TRAPPC14: variants seen among roughly 807,000 people sequenced by gnomAD.
TRAPPC14 encodes microtubule associated protein 11.
In TRAPPC14, 24 loss-of-function variants were observed where a neutral mutation model predicts 56.6. That is an observed-to-expected ratio of 0.42 (90% confidence interval 0.31 to 0.60). TRAPPC14 has a LOEUF of 0.60. Among genes scored for constraint, TRAPPC14 ranks in the 20% least tolerant of loss-of-function variants. The pLI, the probability that TRAPPC14 is intolerant of heterozygous loss-of-function variation, is 0.14. For missense variants in TRAPPC14, 615 were observed against 790.3 expected, an observed-to-expected ratio of 0.78 and a Z score of 2.66; for synonymous variants, 377 against 347.0, an observed-to-expected ratio of 1.09 and a Z score of -0.96.
chr7:100,157,463 C>T lies in TRAPPC14; in HGVS notation c.638-4G>A, dbSNP rs762123097. 7 of 1,611,700 alleles carry T rather than the reference C, an allele frequency of 4.3e-6. No homozygotes were observed. The highest frequency in any genetic ancestry group is 2.2e-5 in the South Asian group (2 of 91,010). On this transcript the variant is annotated splice_polypyrimidine_tract_variant and splice_region_variant and intron_variant, in intron 3 of 10. Coordinates refer to ENST00000316937, the MANE Select transcript of TRAPPC14 (RefSeq NM_018275.5). Reference sequence around the variant, plus strand: ...AGCAGAGTCAGCAGCGTGCTCACTGCGGGAGGGGGTGGGGGCAAGAAGTGA... The same window carrying T: ...AGCAGAGTCAGCAGCGTGCTCACTGTGGGAGGGGGTGGGGGCAAGAAGTGA...
chr7:100,157,698 C>G lies in TRAPPC14; in HGVS notation c.572G>C (p.Arg191Pro). The G allele has an allele frequency of 6.2e-7, 1 of 1,614,240 alleles. No individual in the cohort carries two copies. The highest frequency in any genetic ancestry group is 8.5e-7 in the Non-Finnish European group (1 of 1,180,044). ...APEVRDQGYLRLLQTRSPGET... is the reference protein window; with the variant it reads ...APEVRDQGYLPLLQTRSPGET... Reference sequence around the variant, plus strand: ...CCCAGGAGATCGGGTCTGCAGCAATCGCAGGTAGCCTTGATCTCTGACCTC... The same window carrying G: ...CCCAGGAGATCGGGTCTGCAGCAATGGCAGGTAGCCTTGATCTCTGACCTC... The change falls in exon 3 of 11, where the codon CGA becomes CCA. Residue 191 changes from arginine (R) to proline (P), a missense_variant. By Grantham distance (103) the Arg-to-Pro change is moderately radical. Coordinates refer to ENST00000316937, the MANE Select transcript of TRAPPC14 (RefSeq NM_018275.5).
Position 100,158,157 on chromosome 7 carries a change from A to G in TRAPPC14, c.343T>C (p.Leu115=), listed in dbSNP as rs1234937513. The change falls in exon 1 of 11, where the codon TTG becomes CTG. Residue 115 remains leucine, a synonymous_variant. Coordinates refer to ENST00000316937, the MANE Select transcript of TRAPPC14 (RefSeq NM_018275.5). ...AGAAGGGGGCTGCAGCCTCGGAACA[A>G]ACCCCCACCCCCAGGATCCCCTCCC... The part of the protein sequence containing the change: ...PGGGDPGGGG[L]FRGCSPLLTH... 1.6e-5 allele frequency: 24 copies of G among 1,468,902 alleles called. No individual in the cohort carries two copies. Among genetic ancestry groups the G allele is most frequent in the Non-Finnish European group, 2.1e-5 (24 of 1,117,650 alleles). 91.0% of individuals were successfully genotyped at this position (1,468,902 alleles called of 1,614,324 possible).
Position 100,158,404 on chromosome 7 carries a change from C to A in TRAPPC14, c.96G>T (p.Leu32=), listed in dbSNP as rs900175253. The A allele has an allele frequency of 6.8e-7, 1 of 1,462,340 alleles. No individual in the cohort carries two copies. The highest frequency in any genetic ancestry group is 1.5e-5 in the African/African-American group (1 of 67,882). The allele number at this position is 1,462,340 out of a possible 1,614,324, so 90.6% of individuals were successfully genotyped here. The change falls in exon 1 of 11, where the codon CTG becomes CTT. Residue 32 remains leucine, a synonymous_variant. Transcript: ENST00000316937. ...LAGDPGRYRA[L]PRRNHLYLGE... is the part of the protein sequence containing the mutation. ...CCAAGTACAGATGGTTGCGCCGGGG[C>A]AGCGCCCGGTACCGGCCCGGATCCC... is the stretch of plus-strand genomic sequence containing the variant.
In TRAPPC14 at chr7:100,157,155, A is replaced by C. The variant is rs750320788; in HGVS notation, c.784T>G (p.Phe262Val). 2.5e-6 allele frequency: 4 copies of C among 1,614,198 alleles called. No individual in the cohort carries two copies. The highest frequency in any genetic ancestry group is 3.4e-6 in the Non-Finnish European group (4 of 1,180,034). The change falls in exon 5 of 11, where the codon TTC (phenylalanine) becomes GTC (valine). Residue 262 changes from phenylalanine to valine, a missense_variant. Transcript: ENST00000316937. ...ATGACAGGTAGATAACTGGCGTTGAAGTTGGGGAGGATTCGGATATCCCAG... is the reference window on the plus strand; with the variant it reads ...ATGACAGGTAGATAACTGGCGTTGACGTTGGGGAGGATTCGGATATCCCAG... ...SIWDIRILPN[F>V]NASYLPVMPD... is the part of the protein sequence containing the mutation.
In TRAPPC14 at chr7:100,156,995, A is replaced by G. The variant is rs1376869621; in HGVS notation, c.846-3T>C. The G allele has an allele frequency of 1.2e-6, 2 of 1,613,952 alleles. No homozygotes were observed. Among genetic ancestry groups the G allele is most frequent in the Non-Finnish European group, 1.7e-6 (2 of 1,180,002 alleles). ...TGGAGACTTCCCCAGACTGGTGACT[A>G]GCTCAGAAAAGAGGACAAGGCATGG... On this transcript the variant is annotated splice_polypyrimidine_tract_variant and splice_region_variant and intron_variant, in intron 5 of 10. Coordinates refer to ENST00000316937, the MANE Select transcript of TRAPPC14 (RefSeq NM_018275.5).
chr7:100,154,792 AG>A lies in TRAPPC14; in HGVS notation c.*218del. 3.4e-6 allele frequency: 2 copies of A among 589,930 alleles called. No homozygotes were observed. The highest frequency in any genetic ancestry group is 6.0e-6 in the Non-Finnish European group (2 of 331,888). 36.5% of individuals were successfully genotyped at this position (589,930 alleles called of 1,614,324 possible). On this transcript the variant is annotated 3_prime_UTR_variant, in exon 11 of 11. Transcript: ENST00000316937. The stretch of plus-strand genomic sequence containing the variant: ...TAGGGGTGGGGCCAGCCCCCCCCAC[AG>A]GAACTCGGGGAATACTGGTGGCTTA...
chr7:100,156,813 T>C (rs781649122), intron 6 of TRAPPC14, 32 bp downstream of exon 6: 1 of 1,610,474 alleles, frequency 6.2e-7, no homozygotes, highest in South Asian at 1.1e-5. Context: ...CCTTATCACT[T>C]TTCTTTGAAC....
intron 1 of TRAPPC14, 70 bp from the exon 2 acceptor site, chr7:100,158,008 C>T: frequency 6.9e-7 from 1 of 1,439,982 alleles, no homozygotes; most frequent in South Asian, 1.4e-5. Context: ...CCCTTTAAGA[C>T]CGGCAGTTCA....
intron 8 of TRAPPC14, 182 bp from the exon 9 acceptor site, chr7:100,156,007 A>G (rs772721284): frequency 6.1e-6 from 5 of 821,998 alleles, no homozygotes; most frequent in Admixed American, 3.6e-5. Flanking sequence ...CACGTCACGT[A>G]TATTAACTCA....
rs1798847111 is a variant in TRAPPC14 at position 100,155,076 on chromosome 7, C to A, written c.1678G>T (p.Val560Leu). Residue 560 changes from valine to leucine, a missense_variant, in exon 11 of 11, where the codon GTG becomes TTG. Coordinates refer to ENST00000316937, the MANE Select transcript of TRAPPC14 (RefSeq NM_018275.5). ...TTGGCAATCTTGTCCAGAGACAACA[C>A]AGCCTTGTCCGGGGGCAGGTAGAGG... is the stretch of plus-strand genomic sequence containing the variant. ...RPLYLPPDKA[V>L]LSLDKIAKRE... is the part of the protein sequence containing the mutation. 6.2e-7 allele frequency: 1 copy of A among 1,613,966 alleles called. No individual in the cohort carries two copies. Among genetic ancestry groups the A allele is most frequent in the Admixed American group, 1.7e-5 (1 of 60,000 alleles).
chr7:100,155,103 G>A lies in TRAPPC14; in HGVS notation c.1651C>T (p.Pro551Ser). Residue 551 changes from proline (P) to serine (S), a missense_variant, in exon 11 of 11, where the codon CCC becomes TCC. Coordinates refer to ENST00000316937, the MANE Select transcript of TRAPPC14 (RefSeq NM_018275.5). ...TPPVASPVGR[P>S]LYLPPDKAVL... ...GCCTTGTCCGGGGGCAGGTAGAGGG[G>A]GCGGCCAACAGGAGAGGCCACAGGG... 6.2e-7 allele frequency: 1 copy of A among 1,613,482 alleles called. No homozygotes were observed. The highest frequency in any genetic ancestry group is 1.7e-5 in the Admixed American group (1 of 60,002).
At chr7:100,155,231 C>T (rs373305418) in intron 10 of TRAPPC14, 31 bp downstream of exon 10, 54 of 1,591,776 alleles carry the variant, frequency 3.4e-5, no homozygotes, top group Middle Eastern at 1.7e-4. Flanking sequence ...ATCCTCTACC[C>T]GGTCCCATGC....
Position 100,158,429 on chromosome 7 carries a change from C to A in TRAPPC14, c.71G>T (p.Gly24Val). ...CAGCGCCCGGTACCGGCCCGGATCC[C>A]CTGCCAGCTCCGCGCGCGGCGGCAG... is the stretch of plus-strand genomic sequence containing the variant. ...VPLPPRAELA[G>V]DPGRYRALPR... Residue 24 changes from glycine (G) to valine (V), a missense_variant, in exon 1 of 11, where the codon GGG becomes GTG. Transcript: ENST00000316937. The A allele has an allele frequency of 1.4e-6, 2 of 1,412,406 alleles. No homozygotes were observed. The highest frequency in any genetic ancestry group is 9.2e-7 in the Non-Finnish European group (1 of 1,085,152). The allele number at this position is 1,412,406 out of a possible 1,614,324, so 87.5% of individuals were successfully genotyped here. A position where few individuals can be genotyped will look rare whatever the true frequency, so the allele number is the denominator to read the frequency against.
intron 4 of TRAPPC14, 29 bp downstream of exon 4, chr7:100,157,344 C>CGGAGGCT: frequency 1.2e-6 from 2 of 1,613,318 alleles, no homozygotes; most frequent in Non-Finnish European, 1.7e-6. Flanking sequence ...TTGTTGCTCC[C>CGGAGGCT]GGAGGCTGGA....
rs747589281 is a variant in TRAPPC14, at chr7:100,156,442, T to C, written c.1184A>G (p.Asn395Ser). ...RFTVTYTLLN[N>S]LQDFLAVRLV... ...CCTCACAGCAAGGAAGTCTTGGAGA[T>C]TGTTAAGCAGCGTGTAGGTGACAGT... The change falls in exon 8 of 11, where the codon AAT becomes AGT. Residue 395 changes from asparagine (N) to serine (S), a missense_variant. Transcript: ENST00000316937. The C allele has an allele frequency of 6.2e-7, 1 of 1,614,108 alleles. No individual in the cohort carries two copies. The highest frequency in any genetic ancestry group is 1.7e-5 in the Admixed American group (1 of 60,020).
At chr7:100,158,029 G>A in intron 1 of TRAPPC14, 60 bp downstream of exon 1, 1 of 1,398,820 alleles carries the variant, frequency 7.1e-7, no homozygotes, top group Non-Finnish European at 9.5e-7. Flanking sequence ...TCTGCCTCCT[G>A]CCTCAGGCCC....
At position 100,155,053 on chromosome 7, in the gene TRAPPC14, G is replaced by C. The variant is rs1798846603; in HGVS notation, c.1701C>G (p.Ala567=). ...DKAVLSLDKI[A]KRECKVLVVE... is the part of the protein sequence containing the mutation. ...CCACCAGGACCTTGCACTCGCGCTT[G>C]GCAATCTTGTCCAGAGACAACACAG... Residue 567 remains alanine (A), a synonymous_variant, in exon 11 of 11, where the codon GCC becomes GCG. Transcript: ENST00000316937. 1 of 1,614,140 alleles carries C rather than the reference G, an allele frequency of 6.2e-7. No individual in the cohort carries two copies. The highest frequency in any genetic ancestry group is 1.3e-5 in the African/African-American group (1 of 75,028).
chr7:100,157,212 G>T lies in TRAPPC14; in HGVS notation c.727C>A (p.Leu243Met). ...AGKHLTVLKV[L>M]NSSSQEEISI... is the part of the protein sequence containing the mutation. ...ATTTCCTCCTGAGAGGAGCTGTTCA[G>T]CACTGTGGGAGAGGACCAGCTTGGC... The change falls in exon 5 of 11, where the codon CTG becomes ATG. Residue 243 changes from leucine (L) to methionine (M), a missense_variant and splice_region_variant. Physicochemically the swap from Leu to Met is conservative, Grantham distance 15 (BLOSUM62 2). Transcript: ENST00000316937. 1 of 1,614,172 alleles carries T rather than the reference G, an allele frequency of 6.2e-7. No homozygotes were observed. The highest frequency in any genetic ancestry group is 8.5e-7 in the Non-Finnish European group (1 of 1,180,034).
At chr7:100,157,784 G>A (rs756970038) in intron 2 of TRAPPC14, 22 bp from the exon 3 acceptor site, 1 of 1,614,160 alleles carries the variant, frequency 6.2e-7, no homozygotes, top group Non-Finnish European at 8.5e-7. Flanking sequence ...AAAGACAGAT[G>A]GCTGAGCCCG....
Sources: gnomAD v4.1 joint callset for allele counts on GRCh38, gnomAD v4.1.1 for gene constraint, MANE v1.5 for transcripts, NCBI Gene and HGNC (gene_info 2026-07-23, HGNC 2026-07-21) for gene names.